Variants in TCF7L2 observed in about 807,000 individuals in gnomAD.
The protein encoded by TCF7L2 is transcription factor 7 like 2, also known as transcription factor 7-like 2.
In TCF7L2, 23 loss-of-function variants were observed where a neutral mutation model predicts 77.9. The ratio of observed to expected loss-of-function variants is 0.30; its 90% CI spans 0.21 to 0.42. The LOEUF is 0.42. Among genes scored for constraint, TCF7L2 ranks in the 10% least tolerant of loss-of-function variants. The pLI is 1.00. For missense variants in TCF7L2, 654 were observed against 793.1 expected (o/e 0.82, Z 2.11); for synonymous variants, 413 against 340.2 (o/e 1.21, Z -2.36).
intron 3 of TCF7L2, among the ~76,000 whole-genome samples, chr10:112,963,197 C>T (rs1021115708): frequency 6.6e-6 from 1 of 152,042 alleles, no homozygotes; most frequent in Admixed American, 6.5e-5. Context: ...TAGACTTAGC[C>T]CATGAACAAC....
At chr10:113,038,518 C>G (rs2051789764) in intron 4 of TCF7L2, among the ~76,000 whole-genome samples, 1 of 152,198 alleles carries the variant, frequency 6.6e-6, no homozygotes, top group Admixed American at 6.5e-5. Flanking sequence ...GCAGTCGTAT[C>G]TTCGAGGAAC....
chr10:113,077,251 A>T (rs146064547), intron 5 of TCF7L2, among the ~76,000 whole-genome samples: 6 of 152,356 alleles, frequency 3.9e-5, no homozygotes, highest in African/African-American at 9.6e-5. Context: ...TTTTCCAATA[A>T]AATGTACTCA....
At chr10:113,039,633 TC>T (rs1469863394) in intron 4 of TCF7L2, among the ~76,000 whole-genome samples, 4 of 152,184 alleles carry the variant, frequency 2.6e-5, no homozygotes, top group Non-Finnish European at 5.9e-5. Flanking sequence ...CTAGGACACT[TC>T]TGGCTTGAGA....
At chr10:113,073,186 C>T (rs1033896911) in intron 5 of TCF7L2, among the ~76,000 whole-genome samples, 2 of 149,862 alleles carry the variant, frequency 1.3e-5, no homozygotes, top group Non-Finnish European at 3.0e-5. Flanking sequence ...TAAAGGTGAT[C>T]GGCACTCAGA....
At chr10:113,066,849 G>A (rs11196215) in intron 5 of TCF7L2, among the ~76,000 whole-genome samples, 1 of 152,252 alleles carries the variant, frequency 6.6e-6, no homozygotes, top group African/African-American at 2.4e-5. Context: ...CTGCCCTGCA[G>A]CTTGCTTCTC....
At chr10:112,962,219 G>A (rs2035445436) in intron 3 of TCF7L2, among the ~76,000 whole-genome samples, 1 of 152,150 alleles carries the variant, frequency 6.6e-6, no homozygotes, top group Non-Finnish European at 1.5e-5. Context: ...AGATTCCTAT[G>A]GTAACCCTGT....
intron 4 of TCF7L2, among the ~76,000 whole-genome samples, chr10:112,969,767 T>G (rs1460901198): frequency 6.6e-6 from 1 of 152,218 alleles, no homozygotes; most frequent in African/African-American, 2.4e-5. Context: ...TCCATTAACC[T>G]GGGAGGAGGA....
intron 5 of TCF7L2, among the ~76,000 whole-genome samples, chr10:113,104,343 G>A (rs1252162485): frequency 6.6e-6 from 1 of 152,186 alleles, no homozygotes; most frequent in Non-Finnish European, 1.5e-5. Flanking sequence ...TTTATGGGTT[G>A]TTGGCAAGCA....
At chr10:112,991,206 T>C (rs1357356224) in intron 4 of TCF7L2, among the ~76,000 whole-genome samples, 5 of 152,094 alleles carry the variant, frequency 3.3e-5, no homozygotes, top group African/African-American at 4.8e-5. Context: ...CATGTGAGGT[T>C]GTACCCCCAG....
chr10:113,165,162 G>A (rs919903573), intron 13 of TCF7L2, among the ~76,000 whole-genome samples: 8 of 152,210 alleles, frequency 5.3e-5, no homozygotes, highest in African/African-American at 1.9e-4. Context: ...GTGAGGGACT[G>A]TCTAAGCCAA....
rs139607003 is a variant in TCF7L2 at position 113,039,257 on chromosome 10, G to C, written c.451-768G>C. Among the ~76,000 whole-genome samples, 388 of 152,278 alleles carry C rather than the reference G, an allele frequency of 2.5e-3. 2 individuals are homozygous for C. The highest frequency in any genetic ancestry group is 9.0e-3 in the African/African-American group (372 of 41,564). Reference sequence around the variant, plus strand: ...AAATCTCACTGAAAGCTAATTGATCGCTTTTGACAGAAGTAGCTCCCTTGG... The same window carrying C: ...AAATCTCACTGAAAGCTAATTGATCCCTTTTGACAGAAGTAGCTCCCTTGG... On this transcript the variant is annotated intron_variant, in intron 4 of 13. Transcript: ENST00000627217.
intron 4 of TCF7L2, among the ~76,000 whole-genome samples, chr10:112,978,296 G>C (rs562868241): frequency 2.6e-4 from 40 of 152,256 alleles, no homozygotes; most frequent in African/African-American, 9.1e-4. Context: ...TTTGCACATA[G>C]TGGGTGCTGA....
At chr10:113,025,218 A>ATTTTTTTT (rs35779425) in intron 4 of TCF7L2, among the ~76,000 whole-genome samples, 1 of 98,980 alleles carries the variant, frequency 1.0e-5, no homozygotes, top group Non-Finnish European at 1.9e-5. Context: ...CTGTGACTGG[A>ATTTTTTTT]TTTTTTTTTT....
intron 5 of TCF7L2, chr10:113,129,742 C>G: frequency 8.0e-7 from 1 of 1,243,014 alleles, no homozygotes; most frequent in Non-Finnish European, 1.0e-6. Flanking sequence ...GGAGGGGAAG[C>G]TGGGAGGAAA....
chr10:112,995,311 C>G (rs1190574079), intron 4 of TCF7L2, among the ~76,000 whole-genome samples: 1 of 152,096 alleles, frequency 6.6e-6, no homozygotes, highest in Non-Finnish European at 1.5e-5. Context: ...TCAAGCAAAC[C>G]ACATCATTAC....
At chr10:113,158,899 T>A (rs982668377) in intron 12 of TCF7L2, among the ~76,000 whole-genome samples, 182 bp downstream of exon 13, 7 of 151,712 alleles carry the variant, frequency 4.6e-5, no homozygotes, top group South Asian at 2.1e-4. Context: ...TTTTTTTTTT[T>A]AATTTAACCT....
intron 5 of TCF7L2, among the ~76,000 whole-genome samples, chr10:113,075,187 G>A (rs1031750550): frequency 1.3e-5 from 2 of 152,126 alleles, no homozygotes; most frequent in African/African-American, 4.8e-5. Flanking sequence ...GCGGGGTAAT[G>A]GTGGCTTATG....
chr10:113,088,744 C>T (rs747181613), intron 5 of TCF7L2, among the ~76,000 whole-genome samples: 1 of 151,864 alleles, frequency 6.6e-6, no homozygotes, highest in Non-Finnish European at 1.5e-5. Flanking sequence ...ATTGCCTGAG[C>T]CCAGGAGTTC....
chr10:113,101,868 G>T (rs1163034059), intron 5 of TCF7L2, among the ~76,000 whole-genome samples: 1 of 94,306 alleles, frequency 1.1e-5, no homozygotes, highest in Non-Finnish European at 2.2e-5. Flanking sequence ...GAGAGGTGTG[G>T]TGGCTCATGC....
Sources: allele counts gnomAD v4.1 joint callset (sites outside exome capture counted in the v4.1 genomes callset), GRCh38; gene constraint gnomAD v4.1.1; transcripts MANE v1.5; gene names NCBI Gene and HGNC (gene_info 2026-07-23, HGNC 2026-07-21).